The following ASTN2 variants were observed in gnomAD, a reference collection of about 807,000 sequenced individuals.
The protein encoded by ASTN2 is astrotactin-2.
A neutral mutation model predicts 139.8 loss-of-function variants in ASTN2; 54 were observed. The observed-to-expected ratio is 0.39, with a 90% CI of 0.31 to 0.48. ASTN2 has a LOEUF of 0.48. Ranked by LOEUF, ASTN2 falls within the 20% of genes least tolerant of loss-of-function variation. The pLI, the probability that ASTN2 is intolerant of heterozygous loss-of-function variation, is 0.95. For synonymous variants in ASTN2, 756 were observed against 719.5 expected, an observed-to-expected ratio of 1.05 and a Z score of -0.81; for missense variants, 1,565 against 1,725.1, an observed-to-expected ratio of 0.91 and a Z score of 1.64.
chr9:117,246,959 A>T (rs979300959), intron 2 of ASTN2, among the ~76,000 whole-genome samples: 1 of 152,152 alleles, frequency 6.6e-6, no homozygotes, highest in African/African-American at 2.4e-5. Flanking sequence ...CATCTGGAAT[A>T]GTTGAAGGTC....
At chr9:117,198,556 G>A (rs1831589754) in intron 3 of ASTN2, among the ~76,000 whole-genome samples, 1 of 152,134 alleles carries the variant, frequency 6.6e-6, no homozygotes, top group Non-Finnish European at 1.5e-5. Flanking sequence ...GGGCATTTGG[G>A]TTGGTTCCAC....
chr9:117,297,668 T>G (rs1834769785), intron 1 of ASTN2, among the ~76,000 whole-genome samples: 1 of 152,218 alleles, frequency 6.6e-6, no homozygotes, highest in Non-Finnish European at 1.5e-5. Flanking sequence ...ACCCTAGGCC[T>G]GAAGGGGCAA....
chr9:117,065,161 G>A (rs4497044), intron 5 of ASTN2, among the ~76,000 whole-genome samples: 2 of 151,886 alleles, frequency 1.3e-5, no homozygotes, highest in Non-Finnish European at 2.9e-5. Flanking sequence ...AGGAGGCTAG[G>A]AGGAAGCCAC....
chr9:117,248,570 G>A (rs981171007), intron 2 of ASTN2, among the ~76,000 whole-genome samples: 12 of 152,170 alleles, frequency 7.9e-5, no homozygotes, highest in African/African-American at 2.7e-4. Context: ...TGGAAACCAT[G>A]GTAACTTTCC....
intron 12 of ASTN2, among the ~76,000 whole-genome samples, chr9:116,811,386 T>C (rs1183389112): frequency 1.3e-5 from 2 of 152,238 alleles, no homozygotes; most frequent in Admixed American, 6.5e-5. Flanking sequence ...ATTTTTTCCA[T>C]ATCCAAGTGT....
intron 13 of ASTN2, among the ~76,000 whole-genome samples, chr9:116,737,983 G>A (rs1828985609): frequency 6.7e-6 from 1 of 149,902 alleles, no homozygotes; most frequent in Non-Finnish European, 1.5e-5. Context: ...ACGAGGTCAG[G>A]AGATCGAGAC....
chr9:116,460,433 A>T (rs935184381), intron 20 of ASTN2, among the ~76,000 whole-genome samples: 2 of 152,112 alleles, frequency 1.3e-5, no homozygotes, highest in Non-Finnish European at 2.9e-5. Flanking sequence ...AAACAGAAAA[A>T]CCAAAACCAG....
intron 16 of ASTN2, among the ~76,000 whole-genome samples, chr9:116,667,568 G>T (rs1342522190): frequency 6.6e-6 from 1 of 152,120 alleles, no homozygotes; most frequent in Admixed American, 6.6e-5. Context: ...CTCTCCTTGT[G>T]TGTACTTAAA....
chr9:116,788,890 A>C (rs1031989229), intron 13 of ASTN2, among the ~76,000 whole-genome samples: 7 of 152,204 alleles, frequency 4.6e-5, no homozygotes, highest in African/African-American at 1.7e-4. Flanking sequence ...AGTTTTGTTC[A>C]GCCTGAATCC....
intron 4 of ASTN2, among the ~76,000 whole-genome samples, chr9:117,121,695 G>A (rs370084136): frequency 2.0e-5 from 3 of 152,118 alleles, no homozygotes; most frequent in East Asian, 1.9e-4. Flanking sequence ...TATCTGAGAC[G>A]GACTAATTCA....
At chr9:116,816,736 A>G (rs1831339564) in intron 12 of ASTN2, among the ~76,000 whole-genome samples, 1 of 152,078 alleles carries the variant, frequency 6.6e-6, no homozygotes, top group Non-Finnish European at 1.5e-5. Context: ...GGGCCTGTGC[A>G]GCCCCAGAGA....
At chr9:116,730,114 T>C (rs1828737800) in intron 14 of ASTN2, among the ~76,000 whole-genome samples, 1 of 152,206 alleles carries the variant, frequency 6.6e-6, no homozygotes, top group African/African-American at 2.4e-5. Context: ...TGAACAAAAA[T>C]ACATTAAAAA....
chr9:116,896,315 G>C (rs931929961), intron 10 of ASTN2, among the ~76,000 whole-genome samples: 1 of 152,120 alleles, frequency 6.6e-6, no homozygotes, highest in African/African-American at 2.4e-5. Context: ...CCTGAGGCTA[G>C]GTAATTTATT....
intron 2 of ASTN2, among the ~76,000 whole-genome samples, chr9:117,268,216 C>T (rs573708656): frequency 7.2e-5 from 11 of 152,234 alleles, no homozygotes; most frequent in South Asian, 2.1e-4. Context: ...TGTCCACCTG[C>T]GTTCATCAGT....
At chr9:117,217,153 T>A (rs1362960654) in intron 2 of ASTN2, among the ~76,000 whole-genome samples, 3 of 151,942 alleles carry the variant, frequency 2.0e-5, no homozygotes, top group African/African-American at 7.3e-5. Flanking sequence ...TGAGGGTGCA[T>A]GAAAAGGGAA....
intron 17 of ASTN2, among the ~76,000 whole-genome samples, chr9:116,640,837 T>C (rs922323356): frequency 4.6e-5 from 7 of 152,340 alleles, no homozygotes; most frequent in Non-Finnish European, 7.4e-5. Flanking sequence ...AGGCAGGGGT[T>C]GTTATTAGAC....
intron 7 of ASTN2, among the ~76,000 whole-genome samples, chr9:116,980,913 G>A (rs1313116753): frequency 3.3e-5 from 5 of 152,064 alleles, no homozygotes; most frequent in Admixed American, 2.6e-4. Flanking sequence ...GAGCAGCAAG[G>A]CCATCAAATG....
chr9:116,976,024 G>C, intron 9 of ASTN2, 90 bp downstream of exon 9: 1 of 1,262,636 alleles, frequency 7.9e-7, no homozygotes, highest in Non-Finnish European at 1.1e-6. Flanking sequence ...AAGTGCACAG[G>C]CTCAATAGTC....
chr9:116,430,720 G>GT (rs1444713917), intron 22 of ASTN2, among the ~76,000 whole-genome samples: 1 of 152,192 alleles, frequency 6.6e-6, no homozygotes, highest in Non-Finnish European at 1.5e-5. Flanking sequence ...GACTTTGTAC[G>GT]TAACAGGCAC....
Sources: allele counts gnomAD v4.1 joint callset (sites outside exome capture counted in the v4.1 genomes callset), GRCh38; gene constraint gnomAD v4.1.1; transcripts MANE v1.5; gene names NCBI Gene and HGNC (gene_info 2026-07-23, HGNC 2026-07-21).